The following CATSPERE variants were observed in gnomAD, a reference collection of about 807,000 sequenced individuals.
CATSPERE encodes the protein catsper channel auxiliary subunit epsilon, also known as cation channel sperm-associated auxiliary subunit epsilon.
Under a neutral mutation model 114.1 loss-of-function variants are expected in CATSPERE, and 93 were observed. The ratio of observed to expected loss-of-function variants is 0.81; its 90% CI spans 0.69 to 0.97. The LOEUF is 0.97. CATSPERE is among the 50% of genes least tolerant of loss of function. CATSPERE has a pLI of 0.00. For missense variants in CATSPERE, 1,058 were observed against 1,131.6 expected, an observed-to-expected ratio of 0.93 and a Z score of 0.93; for synonymous variants, 341 against 384.1, an observed-to-expected ratio of 0.89 and a Z score of 1.31.
At chr1:244,463,812 T>G (rs1667179241) in intron 1 of CATSPERE, 96 bp from the exon 2 acceptor site, 3 of 1,100,412 alleles carry the variant, frequency 2.7e-6, no homozygotes, top group Middle Eastern at 2.0e-4. Flanking sequence ...AAGGTGACAC[T>G]CCTGGCAGCC....
chr1:244,507,870 A>G (rs1285900310), intron 7 of CATSPERE, among the ~76,000 whole-genome samples: 1 of 152,150 alleles, frequency 6.6e-6, no homozygotes, highest in African/African-American at 2.4e-5. Context: ...TTTGTTTACT[A>G]TAGCTTTGTA....
intron 6 of CATSPERE, among the ~76,000 whole-genome samples, chr1:244,495,137 G>T (rs1412530619): frequency 6.6e-6 from 1 of 152,072 alleles, no homozygotes; most frequent in Non-Finnish European, 1.5e-5. Flanking sequence ...TATAGGTGCG[G>T]TGTGCATATG....
intron 9 of CATSPERE, 91 bp from the exon 10 acceptor site, chr1:244,560,576 TA>T (rs1662407572): frequency 2.7e-6 from 2 of 731,198 alleles, no homozygotes; most frequent in Non-Finnish European, 4.0e-6. Flanking sequence ...TTTAAAAAAA[TA>T]AAAAATAAAA....
chr1:244,451,491 G>A, upstream of CATSPERE: 2 of 913,484 alleles, frequency 2.2e-6, no homozygotes, highest in East Asian at 2.8e-5. This position sits in a 1 kb window ranked among gnomAD's most constrained non-coding sequence, Gnocchi z 6.6. Context: ...CGTAGCCGCA[G>A]CTCAGGACAG....
intron 5 of CATSPERE, among the ~76,000 whole-genome samples, chr1:244,487,546 A>G (rs899057400): frequency 2.0e-5 from 3 of 152,104 alleles, no homozygotes; most frequent in Non-Finnish European, 4.4e-5. Flanking sequence ...CACCATCATT[A>G]TGCCATGGTG....
rs1354759620 is a variant in CATSPERE at position 244,504,249 on chromosome 1, T to C, written c.429+5170T>C. Among the ~76,000 whole-genome samples, 3 of 152,208 alleles carry C rather than the reference T, an allele frequency of 2.0e-5. No homozygotes were observed. Among genetic ancestry groups the C allele is most frequent in the Non-Finnish European group, 4.4e-5 (3 of 68,038 alleles). Reference sequence around the variant, plus strand: ...TATCTAAGCATTTTGAAAGAGTTTTTTAAATATAAGGTTTCTATGTCCTCA... The same window carrying C: ...TATCTAAGCATTTTGAAAGAGTTTTCTAAATATAAGGTTTCTATGTCCTCA... On this transcript the variant is annotated intron_variant, in intron 7 of 21. Coordinates refer to ENST00000366534, the MANE Select transcript of CATSPERE (RefSeq NM_001130957.2). This position sits in a 1 kb window ranked among gnomAD's most constrained non-coding sequence, Gnocchi z 4.1.
At chr1:244,505,609 C>T (rs1406022740) in intron 7 of CATSPERE, among the ~76,000 whole-genome samples, 1 of 152,160 alleles carries the variant, frequency 6.6e-6, no homozygotes, top group Non-Finnish European at 1.5e-5. Context: ...AAACTAGACT[C>T]CCACCATCTG....
intron 7 of CATSPERE, among the ~76,000 whole-genome samples, chr1:244,512,706 T>C (rs1370332949): frequency 6.6e-6 from 1 of 152,252 alleles, no homozygotes; most frequent in Non-Finnish European, 1.5e-5. Flanking sequence ...GTTGCTTCTT[T>C]CAGTTTTATA....
At chr1:244,546,203 A>G (rs963835900) in intron 8 of CATSPERE, among the ~76,000 whole-genome samples, 3 of 152,258 alleles carry the variant, frequency 2.0e-5, no homozygotes, top group East Asian at 3.9e-4. Flanking sequence ...AGTGGCCAAG[A>G]GTTTCCAGCT....
chr1:244,515,294 T>A, intron 7 of CATSPERE: 1 of 975,916 alleles, frequency 1.0e-6, no homozygotes, highest in Non-Finnish European at 1.2e-6. Context: ...TGATCACAGC[T>A]GTCTCATGAA....
In CATSPERE at chr1:244,573,583, T is replaced by G. The variant is rs1328372974; in HGVS notation, c.1950+811T>G. On this transcript the variant is annotated intron_variant, in intron 11 of 21. Coordinates refer to ENST00000366534, the MANE Select transcript of CATSPERE (RefSeq NM_001130957.2). The surrounding 1 kb of genome is among the most constrained non-coding windows in gnomAD (Gnocchi z 4.0). ...ATGACCTAAGATGGCCTCATTAATC[T>G]AAGGGGCCTCAGCTGGAACACTTGC... Among the ~76,000 whole-genome samples, 1 of 152,138 alleles carries G rather than the reference T, an allele frequency of 6.6e-6. No homozygotes were observed. The highest frequency in any genetic ancestry group is 6.5e-5 in the Admixed American group (1 of 15,268).
chr1:244,547,534 ATGTAAAT>A (rs1659941054), intron 8 of CATSPERE, among the ~76,000 whole-genome samples: 2 of 152,280 alleles, frequency 1.3e-5, no homozygotes, highest in Admixed American at 1.3e-4. Flanking sequence ...ATATAAAAAG[ATGTAAAT>A]TGTAAATTGT....
chr1:244,558,112 A>G (rs1214637381), intron 9 of CATSPERE, among the ~76,000 whole-genome samples: 1 of 146,300 alleles, frequency 6.8e-6, no homozygotes, highest in Non-Finnish European at 1.5e-5. Flanking sequence ...CACCATGCCC[A>G]GGCCCAATTA....
chr1:244,555,050 C>A (rs1325466887), intron 9 of CATSPERE, among the ~76,000 whole-genome samples: 1 of 152,120 alleles, frequency 6.6e-6, no homozygotes, highest in Non-Finnish European at 1.5e-5. Context: ...TCAATAGATA[C>A]AGAAAAAGCA....
At chr1:244,618,438 A>G (rs1573030857) in intron 20 of CATSPERE, among the ~76,000 whole-genome samples, 3 of 152,322 alleles carry the variant, frequency 2.0e-5, no homozygotes, top group Admixed American at 2.0e-4. Flanking sequence ...GGTGTGATGA[A>G]AGCATAGTTC....
chr1:244,491,051 A>C (rs974287707), intron 6 of CATSPERE, among the ~76,000 whole-genome samples: 1 of 152,162 alleles, frequency 6.6e-6, no homozygotes, highest in Non-Finnish European at 1.5e-5. Context: ...CAGAAAGTTA[A>C]CAAGGATACC....
At chr1:244,451,813 G>A, upstream of CATSPERE, 1 of 1,586,248 alleles carries the variant, frequency 6.3e-7, no homozygotes. The surrounding 1 kb of genome is among the most constrained non-coding windows in gnomAD (Gnocchi z 6.6). Context: ...CTCGGCGAAC[G>A]CCATGGCTCC....
intron 20 of CATSPERE, among the ~76,000 whole-genome samples, chr1:244,624,537 A>C (rs1672841239): frequency 6.6e-6 from 1 of 152,260 alleles, no homozygotes; most frequent in East Asian, 1.9e-4. Context: ...GTGGTGGCTC[A>C]TGCCTGTAAT....
chr1:244,457,357 T>C (rs751889240), upstream of CATSPERE: 6 of 152,224 alleles, frequency 3.9e-5, no homozygotes, highest in Non-Finnish European at 8.8e-5. Flanking sequence ...AAACTGGATA[T>C]ATAAAACTTT....
Sources: allele counts gnomAD v4.1 joint callset (sites outside exome capture counted in the v4.1 genomes callset), GRCh38; gene constraint gnomAD v4.1.1; non-coding constraint Gnocchi (gnomAD v3.1); transcripts MANE v1.5; gene names NCBI Gene and HGNC (gene_info 2026-07-23, HGNC 2026-07-21).